The following TMEM178B variants were observed in gnomAD, a reference collection of about 807,000 sequenced individuals.
TMEM178B encodes transmembrane protein 178B.
Under a neutral mutation model 31.0 loss-of-function variants are expected in TMEM178B, and 5 were observed. The ratio of observed to expected loss-of-function variants is 0.16; its 90% CI spans 0.08 to 0.34. The LOEUF (loss-of-function observed/expected upper bound fraction) is 0.34, where lower values mean the gene tolerates loss of function less well. Among genes scored for constraint, TMEM178B ranks in the 10% least tolerant of loss-of-function variants. The pLI is 1.00. For synonymous variants in TMEM178B, 164 were observed against 164.0 expected (o/e 1.00, Z 0.00); for missense variants, 275 against 400.3 (o/e 0.69, Z 2.67).
rs766863820 is a variant in TMEM178B at position 141,074,552 on chromosome 7, G to C, written c.242G>C (p.Arg81Pro). ...RLDRWEGKLL[R>P]ARNRRQLFAM... ...GACCGCTGGGAGGGCAAACTCCTCC[G>C]GGCCCGGAATCGCCGGCAGCTGTTC... is the stretch of plus-strand genomic sequence containing the variant. The change falls in exon 1 of 4, where the codon CGG becomes CCG. Residue 81 changes from arginine to proline, a missense_variant. Arg to Pro is a moderately radical substitution (Grantham distance 103). Transcript: ENST00000565468. This position sits in a 1 kb window ranked among gnomAD's most constrained non-coding sequence, Gnocchi z 5.1. 164 of 1,535,862 alleles carry C rather than the reference G, an allele frequency of 1.1e-4. No homozygotes were observed. Among genetic ancestry groups the C allele is most frequent in the Admixed American group, 5.9e-5 (3 of 50,982 alleles).
At chr7:141,392,910 A>G (rs1441050051) in intron 2 of TMEM178B, among the ~76,000 whole-genome samples, 1 of 151,788 alleles carries the variant, frequency 6.6e-6, no homozygotes, top group Non-Finnish European at 1.5e-5. Context: ...TTCATCTGTC[A>G]TATACTCTTG....
chr7:141,242,112 C>T (rs1410069019), intron 2 of TMEM178B, among the ~76,000 whole-genome samples: 3 of 152,120 alleles, frequency 2.0e-5, no homozygotes, highest in Non-Finnish European at 4.4e-5. Flanking sequence ...AAAATCAGCT[C>T]TAATATTCAT....
intron 2 of TMEM178B, among the ~76,000 whole-genome samples, chr7:141,436,870 G>A (rs1801553393): frequency 1.3e-5 from 2 of 152,312 alleles, no homozygotes; most frequent in South Asian, 4.1e-4. Flanking sequence ...ACAGAGAAGG[G>A]CCTGACTCAG....
chr7:141,299,736 A>T (rs566542933), intron 2 of TMEM178B, among the ~76,000 whole-genome samples: 6 of 152,262 alleles, frequency 3.9e-5, no homozygotes, highest in African/African-American at 1.4e-4. Context: ...ATAGGCCAGA[A>T]AATCTGGAAT....
intron 2 of TMEM178B, 181 bp downstream of exon 2, chr7:141,212,885 A>G: frequency 1.9e-6 from 1 of 524,040 alleles, no homozygotes; most frequent in Non-Finnish European, 3.4e-6. Flanking sequence ...TGCATTATAA[A>G]TTTGGGGAGT....
At chr7:141,128,039 T>C (rs1284558331) in intron 1 of TMEM178B, among the ~76,000 whole-genome samples, 1 of 152,214 alleles carries the variant, frequency 6.6e-6, no homozygotes, top group African/African-American at 2.4e-5. Context: ...TGGCTATTTA[T>C]TCCTGTATTG....
intron 2 of TMEM178B, among the ~76,000 whole-genome samples, chr7:141,236,267 T>G (rs549778780): frequency 6.6e-6 from 1 of 152,032 alleles, no homozygotes; most frequent in Non-Finnish European, 1.5e-5. Context: ...CTCCCAAATT[T>G]GAGAAGTTAC....
chr7:141,457,452 A>T (rs1296254057), intron 3 of TMEM178B, among the ~76,000 whole-genome samples: 1 of 152,150 alleles, frequency 6.6e-6, no homozygotes, highest in Non-Finnish European at 1.5e-5. Flanking sequence ...ACCCCAAGAG[A>T]TACAGAAGAT....
intron 2 of TMEM178B, among the ~76,000 whole-genome samples, chr7:141,282,290 GA>G (rs1798378363): frequency 6.6e-6 from 1 of 152,220 alleles, no homozygotes; most frequent in African/African-American, 2.4e-5. Context: ...TGCCAATTGT[GA>G]GGCTTCTGTA....
chr7:141,084,935 A>G lies in TMEM178B; in HGVS notation c.382+10243A>G, dbSNP rs1185489093. Among the ~76,000 whole-genome samples, 4 of 151,940 alleles carry G rather than the reference A, an allele frequency of 2.6e-5. No individual in the cohort carries two copies. The East Asian group carries it at 7.7e-4, about 29-fold the overall frequency. The stretch of plus-strand genomic sequence containing the variant: ...ACTCTATTGCCCAGGCTTGAGTGCA[A>G]TGGCACGATCTCGGCTCATCGCAAC... On this transcript the variant is annotated intron_variant, in intron 1 of 3. Transcript: ENST00000565468.
rs866897467 is a variant in TMEM178B, at chr7:141,129,652, T to C, written c.382+54960T>C. On this transcript the variant is annotated intron_variant, in intron 1 of 3. Transcript: ENST00000565468. ...AAAGAGTCAAACTCTTAAAATTATT[T>C]GAAGAGATATATTCTGAGCCAAATG... Among the ~76,000 whole-genome samples the C allele has an allele frequency of 1.2e-4, 18 of 152,334 alleles. 1 individual carries two copies. The highest frequency in any genetic ancestry group is 6.8e-3 in the Middle Eastern group (2 of 294).
intron 2 of TMEM178B, among the ~76,000 whole-genome samples, chr7:141,294,198 A>G (rs1798592827): frequency 6.6e-6 from 1 of 152,330 alleles, no homozygotes; most frequent in Admixed American, 6.5e-5. Flanking sequence ...GGACAGGAGG[A>G]GTCTGGAAAC....
intron 1 of TMEM178B, among the ~76,000 whole-genome samples, chr7:141,110,291 A>G (rs1795213320): frequency 1.3e-5 from 2 of 152,234 alleles, no homozygotes; most frequent in African/African-American, 4.8e-5. Context: ...TAGATTATAA[A>G]ATTTGTTTGA....
the TMEM178B span, among the ~76,000 whole-genome samples, chr7:141,491,768 C>A: frequency 8.8e-4 from 134 of 152,276 alleles, no homozygotes; most frequent in Non-Finnish European, 1.7e-3. Context: ...TATTGTATAT[C>A]GGTTTTTTCC....
chr7:141,350,456 C>A (rs1449277153), intron 2 of TMEM178B, among the ~76,000 whole-genome samples: 1 of 151,874 alleles, frequency 6.6e-6, no homozygotes, highest in African/African-American at 2.4e-5. Context: ...CGAAACGATA[C>A]CTAGTATGGA....
intron 1 of TMEM178B, among the ~76,000 whole-genome samples, chr7:141,097,216 A>G (rs1339499121): frequency 6.6e-6 from 1 of 151,930 alleles, no homozygotes; most frequent in Non-Finnish European, 1.5e-5. Flanking sequence ...TATGAATCCT[A>G]TATCGCAGCT....
chr7:141,467,165 T>C (rs1215559036), intron 3 of TMEM178B, among the ~76,000 whole-genome samples: 1 of 152,060 alleles, frequency 6.6e-6, no homozygotes, highest in East Asian at 1.9e-4. Flanking sequence ...ATTCCCATGC[T>C]CTTCCCCAAG....
At chr7:141,430,408 C>G (rs768179165) in intron 2 of TMEM178B, among the ~76,000 whole-genome samples, 1 of 152,218 alleles carries the variant, frequency 6.6e-6, no homozygotes, top group Non-Finnish European at 1.5e-5. Context: ...GCGCCAGGTA[C>G]TATTATAAGC....
intron 2 of TMEM178B, among the ~76,000 whole-genome samples, chr7:141,313,875 AC>A (rs1798956045): frequency 6.6e-6 from 1 of 151,944 alleles, no homozygotes; most frequent in South Asian, 2.1e-4. Context: ...TTTTGTTAGG[AC>A]CCCCCTGATG....
Sources: allele counts gnomAD v4.1 joint callset (sites outside exome capture counted in the v4.1 genomes callset), GRCh38; gene constraint gnomAD v4.1.1; non-coding constraint Gnocchi (gnomAD v3.1); transcripts MANE v1.5; gene names NCBI Gene and HGNC (gene_info 2026-07-23, HGNC 2026-07-21).